Variants in KCTD16 observed in about 807,000 individuals in gnomAD.
The protein encoded by KCTD16 is BTB/POZ domain-containing protein KCTD16.
In KCTD16, 13 loss-of-function variants were observed where a neutral mutation model predicts 33.2. The ratio of observed to expected loss-of-function variants is 0.39; its 90% CI spans 0.25 to 0.62. The LOEUF is 0.62. Ranked by LOEUF, KCTD16 falls within the 20% of genes least tolerant of loss-of-function variation. KCTD16 has a pLI of 0.50. For missense variants in KCTD16, 441 were observed against 525.1 expected (o/e 0.84, Z 1.57); for synonymous variants, 197 against 195.3 (o/e 1.01, Z -0.07).
chr5:144,308,257 A>G (rs1423342415), intron 3 of KCTD16, among the ~76,000 whole-genome samples: 1 of 152,170 alleles, frequency 6.6e-6, no homozygotes, highest in Admixed American at 6.6e-5. Flanking sequence ...CAGTTAAAAT[A>G]TATGCTCACA....
At chr5:144,356,000 G>C (rs992638097) in intron 3 of KCTD16, among the ~76,000 whole-genome samples, 1 of 152,128 alleles carries the variant, frequency 6.6e-6, no homozygotes, top group African/African-American at 2.4e-5. Context: ...CTTCTCTGGA[G>C]CTTGTAGAAC....
intron 3 of KCTD16, among the ~76,000 whole-genome samples, chr5:144,225,652 C>G (rs1318334464): frequency 6.6e-6 from 1 of 150,650 alleles, no homozygotes; most frequent in East Asian, 2.0e-4. Context: ...AGTAGCAAGA[C>G]TAATATGAGT....
intron 2 of KCTD16, among the ~76,000 whole-genome samples, chr5:144,199,707 ATT>A (rs574670606): frequency 3.6e-3 from 241 of 67,662 alleles, no homozygotes; most frequent in East Asian, 0.012. Context: ...GAACAGCTTC[ATT>A]TTTTTTTTTT....
At chr5:144,346,171 CT>C (rs1341705431) in intron 3 of KCTD16, among the ~76,000 whole-genome samples, 2 of 152,104 alleles carry the variant, frequency 1.3e-5, no homozygotes, top group East Asian at 3.9e-4. Flanking sequence ...ATCCATGTTG[CT>C]GCAAATGACT....
intron 3 of KCTD16, among the ~76,000 whole-genome samples, chr5:144,352,610 T>C (rs558143970): frequency 6.6e-6 from 1 of 152,312 alleles, no homozygotes; most frequent in African/African-American, 2.4e-5. Flanking sequence ...GAGCACTGAA[T>C]TGTGGATGTT....
chr5:144,311,173 A>G (rs952792540), intron 3 of KCTD16, among the ~76,000 whole-genome samples: 2 of 152,172 alleles, frequency 1.3e-5, no homozygotes, highest in Admixed American at 1.3e-4. Flanking sequence ...CAATTGTCCC[A>G]CTTATAAAGT....
intron 3 of KCTD16, among the ~76,000 whole-genome samples, chr5:144,227,743 GA>G (rs1223917922): frequency 6.6e-6 from 1 of 152,220 alleles, no homozygotes; most frequent in Non-Finnish European, 1.5e-5. Context: ...ATGGCTCAGA[GA>G]AGGTCGATAG....
At position 144,297,828 on chromosome 5, in the gene KCTD16, G is replaced by A. The variant is rs184097981; in HGVS notation, c.832+90282G>A. Among the ~76,000 whole-genome samples the A allele has an allele frequency of 4.6e-3, 696 of 152,316 alleles. 2 individuals carry two copies. Among genetic ancestry groups the A allele is most frequent in the Middle Eastern group, 0.01 (3 of 294 alleles). On this transcript the variant is annotated intron_variant, in intron 3 of 3. Coordinates refer to ENST00000512467, the MANE Select transcript of KCTD16 (RefSeq NM_020768.4). ...GGATATAAAGGCAGGCATTCGAGCC[G>A]GCAACGGCTACCCTCTTTTGGTCCC... is the stretch of plus-strand genomic sequence containing the variant.
chr5:144,186,922 G>A (rs73792185), intron 2 of KCTD16, among the ~76,000 whole-genome samples: 2,498 of 152,204 alleles, frequency 0.016, 64 homozygotes, highest in African/African-American at 0.056. Flanking sequence ...TTCTGTGCCA[G>A]GTGCTGGGGA....
intron 3 of KCTD16, among the ~76,000 whole-genome samples, chr5:144,401,436 A>C (rs932168247): frequency 6.6e-6 from 1 of 152,286 alleles, no homozygotes; most frequent in South Asian, 2.1e-4. Flanking sequence ...GCACACACAT[A>C]AATGCACAAA....
At chr5:144,243,582 A>G (rs1209637489) in intron 3 of KCTD16, among the ~76,000 whole-genome samples, 3 of 152,052 alleles carry the variant, frequency 2.0e-5, no homozygotes, top group Non-Finnish European at 4.4e-5. Context: ...ATTTGAAAAA[A>G]CTTCAGAGTA....
intron 3 of KCTD16, among the ~76,000 whole-genome samples, chr5:144,293,711 A>G (rs1755958480): frequency 6.6e-6 from 1 of 152,244 alleles, no homozygotes; most frequent in African/African-American, 2.4e-5. Context: ...CCACAAAAGC[A>G]TAGTTTAATA....
chr5:144,455,183 T>G (rs891783728), intron 3 of KCTD16, among the ~76,000 whole-genome samples: 7 of 151,844 alleles, frequency 4.6e-5, no homozygotes, highest in Admixed American at 2.6e-4. Context: ...TTGAGGAGTG[T>G]GCACACCCCT....
At chr5:144,186,666 C>G (rs1191357952) in intron 2 of KCTD16, among the ~76,000 whole-genome samples, 1 of 151,986 alleles carries the variant, frequency 6.6e-6, no homozygotes, top group Non-Finnish European at 1.5e-5. Context: ...CAACACATGC[C>G]CAATCCAAAG....
intron 3 of KCTD16, among the ~76,000 whole-genome samples, chr5:144,363,534 A>C (rs186817107): frequency 0.019 from 2,851 of 151,370 alleles, 78 homozygotes; most frequent in African/African-American, 0.065. Context: ...CCTGCCTCTT[A>C]CTGTTTTTTT....
rs532575368 is a variant in KCTD16, at chr5:144,183,053, A to AT, written c.-327+8581_-327+8582insT. 1.7e-3 allele frequency among the ~76,000 whole-genome samples: 254 copies of AT among 152,140 alleles called. 1 individual carries two copies. The highest frequency in any genetic ancestry group is 2.4e-3 in the Non-Finnish European group (163 of 67,998). On this transcript the variant is annotated intron_variant, in intron 2 of 3. Transcript: ENST00000512467. ...CTTTATGTAATGAAACATAAAAAAA[A>AT]AAAATAAAAGAGTGGGAGTAAGACC... is the stretch of plus-strand genomic sequence containing the variant.
intron 3 of KCTD16, among the ~76,000 whole-genome samples, chr5:144,247,355 A>C (rs556352859): frequency 3.3e-5 from 5 of 152,302 alleles, no homozygotes; most frequent in Non-Finnish European, 5.9e-5. Context: ...ACTCAGGCAC[A>C]CAGAGAGACT....
intron 2 of KCTD16, among the ~76,000 whole-genome samples, chr5:144,196,868 G>A (rs1259842643): frequency 2.0e-5 from 3 of 152,224 alleles, no homozygotes; most frequent in Admixed American, 2.0e-4. Context: ...GTAATTGTGA[G>A]ATGTGCTTGA....
At position 144,206,579 on chromosome 5, in the gene KCTD16, A is replaced by G; in HGVS notation, c.-136A>G. 1.4e-6 allele frequency: 1 copy of G among 716,974 alleles called. No homozygotes were observed. Among genetic ancestry groups the G allele is most frequent in the South Asian group, 2.1e-5 (1 of 47,910 alleles). The allele number at this position is 716,974 out of a possible 1,614,324, so 44.4% of individuals were successfully genotyped here. A position where few individuals can be genotyped will look rare whatever the true frequency, so the allele number is the denominator to read the frequency against. On this transcript the variant is annotated 5_prime_UTR_variant, in exon 3 of 4. The change creates a new upstream start codon in the 5' untranslated region. Transcript: ENST00000512467. ...CATTTTGATTTCTTGGGGGAAAAAT[A>G]CTGGGATAAGAGGAGGTCATTTTTT...
Sources: allele counts gnomAD v4.1 joint callset (sites outside exome capture counted in the v4.1 genomes callset), GRCh38; gene constraint gnomAD v4.1.1; transcripts MANE v1.5; gene names NCBI Gene and HGNC (gene_info 2026-07-23, HGNC 2026-07-21).